Variants in TYW1 observed in about 807,000 individuals in gnomAD.
TYW1 encodes the protein tRNA-yW synthesizing protein 1 homolog, also known as S-adenosyl-L-methionine-dependent tRNA 4-demethylwyosine synthase TYW1.
In TYW1, 46 loss-of-function variants were observed where a neutral mutation model predicts 96.2. The observed-to-expected ratio is 0.48, with a 90% CI of 0.38 to 0.61. The LOEUF is 0.61. TYW1 is among the 20% of genes least tolerant of loss of function. The pLI, the probability that TYW1 is intolerant of heterozygous loss-of-function variation, is 0.00. For synonymous variants in TYW1, 274 were observed against 323.0 expected, an observed-to-expected ratio of 0.85 and a Z score of 1.63; for missense variants, 684 against 909.6, an observed-to-expected ratio of 0.75 and a Z score of 3.19.
intron 7 of TYW1, among the ~76,000 whole-genome samples, chr7:67,037,617 T>C (rs1232339359): frequency 6.6e-6 from 1 of 152,078 alleles, no homozygotes; most frequent in South Asian, 2.1e-4. Context: ...TATTGTACAC[T>C]GTGTTTCATC....
chr7:67,175,073 C>A (rs974615054), intron 13 of TYW1, among the ~76,000 whole-genome samples: 1 of 151,864 alleles, frequency 6.6e-6, no homozygotes, highest in African/African-American at 2.4e-5. Flanking sequence ...TATACCAATT[C>A]TTGATGATAC....
intron 10 of TYW1, among the ~76,000 whole-genome samples, chr7:67,073,946 G>A (rs1210051313): frequency 6.6e-6 from 1 of 151,188 alleles, no homozygotes; most frequent in Non-Finnish European, 1.5e-5. Flanking sequence ...GCCGGGCGTG[G>A]TGGCGGACGC....
At chr7:67,038,169 G>A (rs1211142326) in intron 7 of TYW1, among the ~76,000 whole-genome samples, 1 of 152,076 alleles carries the variant, frequency 6.6e-6, no homozygotes, top group Non-Finnish European at 1.5e-5. Flanking sequence ...CTGGCGTGGT[G>A]GCAGATGCAT....
chr7:67,178,750 A>G (rs890813370), intron 13 of TYW1, among the ~76,000 whole-genome samples: 2 of 151,926 alleles, frequency 1.3e-5, no homozygotes, highest in South Asian at 2.1e-4. Context: ...TGTTAAAGTC[A>G]GGATATTAGA....
intron 13 of TYW1, among the ~76,000 whole-genome samples, chr7:67,130,588 T>G (rs1798040612): frequency 6.6e-6 from 1 of 151,170 alleles, no homozygotes; most frequent in Admixed American, 6.6e-5. Flanking sequence ...GATGTGAACC[T>G]GGGAGGTAGA....
At chr7:67,008,752 T>C (rs781686535) in intron 3 of TYW1, among the ~76,000 whole-genome samples, 5 of 152,224 alleles carry the variant, frequency 3.3e-5, no homozygotes, top group Non-Finnish European at 7.3e-5. Context: ...AACCTCCGCC[T>C]CCTGGATTCA....
intron 6 of TYW1, among the ~76,000 whole-genome samples, chr7:67,020,669 C>A (rs1292917312): frequency 6.6e-6 from 1 of 152,280 alleles, no homozygotes; most frequent in Non-Finnish European, 1.5e-5. Flanking sequence ...TGAATTTCTC[C>A]ATTGTCATCC....
At chr7:67,135,877 C>T (rs1332032527) in intron 13 of TYW1, among the ~76,000 whole-genome samples, 1 of 152,172 alleles carries the variant, frequency 6.6e-6, no homozygotes, top group Non-Finnish European at 1.5e-5. Context: ...TTGGGTCCTG[C>T]AGAGAACATT....
At chr7:67,061,904 G>A (rs901413018) in intron 9 of TYW1, among the ~76,000 whole-genome samples, 1 of 152,094 alleles carries the variant, frequency 6.6e-6, no homozygotes, top group Admixed American at 6.5e-5. Context: ...AAAATGAAAA[G>A]TCACAAACAC....
At chr7:67,108,866 C>G (rs1797316887) in intron 12 of TYW1, among the ~76,000 whole-genome samples, 1 of 152,120 alleles carries the variant, frequency 6.6e-6, no homozygotes, top group South Asian at 2.1e-4. Context: ...TATCTGAACA[C>G]AATAGAATTA....
intron 13 of TYW1, among the ~76,000 whole-genome samples, chr7:67,159,270 T>C (rs1799082347): frequency 6.6e-6 from 1 of 152,222 alleles, no homozygotes; most frequent in Non-Finnish European, 1.5e-5. Flanking sequence ...ATGTACACCT[T>C]TGCACATATT....
At chr7:67,049,050 G>A (rs1402073275) in intron 7 of TYW1, among the ~76,000 whole-genome samples, 1 of 152,166 alleles carries the variant, frequency 6.6e-6, no homozygotes, top group African/African-American at 2.4e-5. Flanking sequence ...CATTGGGATG[G>A]CTGTTGGTGG....
chr7:67,190,989 G>A (rs1037185825), intron 14 of TYW1, among the ~76,000 whole-genome samples: 1 of 152,110 alleles, frequency 6.6e-6, no homozygotes, highest in African/African-American at 2.4e-5. Context: ...TAGTCTGTTT[G>A]CATCACTATA....
chr7:67,077,937 C>G (rs1239445978), intron 10 of TYW1, among the ~76,000 whole-genome samples: 1 of 152,146 alleles, frequency 6.6e-6, no homozygotes, highest in Non-Finnish European at 1.5e-5. Context: ...TCTTTCCCCA[C>G]TGCATGACCT....
intron 11 of TYW1, among the ~76,000 whole-genome samples, chr7:67,090,148 A>G (rs1331903468): frequency 2.6e-5 from 4 of 152,224 alleles, no homozygotes; most frequent in African/African-American, 9.6e-5. Context: ...TAGGTATGCT[A>G]ACATACACAT....
At chr7:67,048,190 CT>C (rs1562983996) in intron 7 of TYW1, among the ~76,000 whole-genome samples, 27 of 146,680 alleles carry the variant, frequency 1.8e-4, no homozygotes, top group Non-Finnish European at 3.9e-4. Context: ...ATGGGCCATC[CT>C]CCCCTAGGTA....
In TYW1 at chr7:67,122,264, A is replaced by C. The variant is rs577630376; in HGVS notation, c.1698+4646A>C. 3.9e-5 allele frequency among the ~76,000 whole-genome samples: 6 copies of C among 152,292 alleles called. No homozygotes were observed. In the South Asian group the frequency reaches 6.2e-4, roughly 16 times the overall value. On this transcript the variant is annotated intron_variant, in intron 13 of 15. Coordinates refer to ENST00000359626, the MANE Select transcript of TYW1 (RefSeq NM_018264.4). ...CAATGACCATTGGCCCTCTCTCTAC[A>C]GATGTTAGGATACTCTGACCTGACA...
chr7:67,118,878 G>GGA (rs1321157490), intron 13 of TYW1, among the ~76,000 whole-genome samples: 9 of 72,266 alleles, frequency 1.2e-4, no homozygotes, highest in African/African-American at 2.3e-4. Context: ...ACCCCTATCT[G>GGA]AAAAAAAAAA....
At chr7:67,074,610 A>G (rs1352221986) in intron 10 of TYW1, among the ~76,000 whole-genome samples, 1 of 152,232 alleles carries the variant, frequency 6.6e-6, no homozygotes, top group African/African-American at 2.4e-5. Context: ...AGAATTTGCC[A>G]TCTGTTTCAA....
Sources: gnomAD v4.1 joint callset for allele counts (sites outside exome capture counted in the v4.1 genomes callset) on GRCh38, gnomAD v4.1.1 for gene constraint, MANE v1.5 for transcripts, NCBI Gene and HGNC (gene_info 2026-07-23, HGNC 2026-07-21) for gene names.